Variants in TLN1 observed in about 807,000 individuals in gnomAD.
TLN1 encodes talin 1.
TLN1 carries 56 observed loss-of-function variants against 292.3 expected under a neutral mutation model. The observed-to-expected ratio is 0.19, with a 90% confidence interval of 0.15 to 0.24. The LOEUF (loss-of-function observed/expected upper bound fraction) is 0.24. TLN1 is among the 10% of genes least tolerant of loss of function. The pLI is 1.00. For synonymous variants in TLN1, 1,119 were observed against 1,253.7 expected, an observed-to-expected ratio of 0.89 and a Z score of 2.27; for missense variants, 2,433 against 3,248.2, an observed-to-expected ratio of 0.75 and a Z score of 6.10.
rs1186241709 is a variant in TLN1, at chr9:35,711,095, G to C, written c.4020-13C>G. ...GTCAGTTACTGCCCTGGGAGTGACA[G>C]AAAGTTGAGTGAAAAGGTGAATAGG... On this transcript the variant is annotated splice_polypyrimidine_tract_variant and intron_variant, in intron 30 of 56. Coordinates refer to ENST00000314888, the MANE Select transcript of TLN1 (RefSeq NM_006289.4). The C allele has an allele frequency of 1.2e-6, 2 of 1,614,054 alleles. No individual in the cohort carries two copies. Among genetic ancestry groups the C allele is most frequent in the East Asian group, 2.2e-5 (1 of 44,880 alleles).
At position 35,732,098 on chromosome 9, in the gene TLN1, C is replaced by CGCCCGCCG. The variant is rs1335185548; in HGVS notation, c.-65_-58dup. On this transcript the variant is annotated 5_prime_UTR_variant, in exon 1 of 57. Coordinates refer to ENST00000314888, the MANE Select transcript of TLN1 (RefSeq NM_006289.4). The surrounding 1 kb of genome is among the most constrained non-coding windows in gnomAD (Gnocchi z 5.1). ...ACCTGCGCTGCCTGGCTCTGCGCCC[C>CGCCCGCCG]GCCCGCCGGCCCGCCGCCCCGCCGC... 5 of 153,702 alleles carry CGCCCGCCG rather than the reference C, an allele frequency of 3.3e-5. No homozygotes were observed. The highest frequency in any genetic ancestry group is 3.9e-4 in the East Asian group (2 of 5,178). The allele number at this position is 153,702 out of a possible 1,614,324, so 9.5% of individuals were successfully genotyped here. A position where few individuals can be genotyped will look rare whatever the true frequency, so the allele number is the denominator to read the frequency against.
chr9:35,712,400 C>T (rs1825689156), intron 27 of TLN1, among the ~76,000 whole-genome samples: 1 of 152,178 alleles, frequency 6.6e-6, no homozygotes, highest in African/African-American at 2.4e-5. Flanking sequence ...AATCCCAGCA[C>T]TATGGGAGGC....
In TLN1 at chr9:35,711,632, A is replaced by C; in HGVS notation, c.3842T>G (p.Phe1281Cys). Residue 1281 changes from phenylalanine to cysteine, a missense_variant, in exon 29 of 57, where the codon TTC (phenylalanine) becomes TGC (cysteine). Transcript: ENST00000314888. ...TGCCATCTCCACACCAGCTTCCAGG[A>C]AGGTGCTGAAGTCCTGTCCAAATCG... Reference protein sequence around the residue: ...SGRFGQDFSTFLEAGVEMAGQ... With the variant: ...SGRFGQDFSTCLEAGVEMAGQ... The C allele has an allele frequency of 6.2e-7, 1 of 1,614,020 alleles. No individual in the cohort carries two copies.
intron 3 of TLN1, 63 bp from the exon 4 acceptor site, chr9:35,725,022 C>T (rs978251767): frequency 9.9e-6 from 16 of 1,609,432 alleles, no homozygotes; most frequent in Non-Finnish European, 1.3e-5. Flanking sequence ...TTCCTCTTTA[C>T]ACAGCCCGAG....
At chr9:35,727,765 TC>T (rs1490926830) in intron 1 of TLN1, among the ~76,000 whole-genome samples, 1 of 151,876 alleles carries the variant, frequency 6.6e-6, no homozygotes, top group Non-Finnish European at 1.5e-5. Flanking sequence ...ACTGCATGTC[TC>T]CCCCCATTTC....
chr9:35,727,942 T>C (rs1826006371), intron 1 of TLN1, among the ~76,000 whole-genome samples: 1 of 152,156 alleles, frequency 6.6e-6, no homozygotes, highest in Non-Finnish European at 1.5e-5. Context: ...CAGTGAATTG[T>C]GGGTGGTGGT....
rs574533430 is a variant in TLN1, at chr9:35,708,797, A to G, written c.4327-313T>C. 3.9e-5 allele frequency among the ~76,000 whole-genome samples: 6 copies of G among 152,382 alleles called. No homozygotes were observed. In the South Asian group the frequency reaches 1.0e-3, roughly 26 times the overall value. On this transcript the variant is annotated intron_variant, in intron 33 of 56. Transcript: ENST00000314888. ...TTTGTGTATGTTGGGTCTTAGAGTG[A>G]AAAGTATGGCTTACTGTAAGTAGCA... is the stretch of plus-strand genomic sequence containing the variant.
In TLN1 at chr9:35,720,368, T is replaced by C. The variant is rs1465612177; in HGVS notation, c.1283+65A>G. 1.9e-6 allele frequency: 3 copies of C among 1,584,870 alleles called. No individual in the cohort carries two copies. The East Asian group carries it at 6.7e-5, about 36-fold the overall frequency. On this transcript the variant is annotated intron_variant, in intron 12 of 56. Coordinates refer to ENST00000314888, the MANE Select transcript of TLN1 (RefSeq NM_006289.4). ...CTAAGGACTCCCCACCTCCCAAGAG[T>C]CCTTAGAGTCAGGCCTTGCCTTCTC... is the stretch of plus-strand genomic sequence containing the variant.
intron 20 of TLN1, among the ~76,000 whole-genome samples, chr9:35,715,927 C>T (rs372842392): frequency 1.4e-3 from 207 of 152,180 alleles, no homozygotes; most frequent in African/African-American, 4.9e-3. Flanking sequence ...GGGGAGGATA[C>T]TGAATGTTCC....
At position 35,724,060 on chromosome 9, in the gene TLN1, T is replaced by C; in HGVS notation, c.674A>G (p.Asn225Ser). ...LYVQARDDIL[N>S]GSHPVSFDKA... ...GTCAAAGGAGACAGGGTGGGAGCCA[T>C]TCAGGATGTCATCTCGTGCCTGGAG... Residue 225 changes from asparagine to serine, a missense_variant, in exon 7 of 57, where the codon AAT (asparagine) becomes AGT (serine). Coordinates refer to ENST00000314888, the MANE Select transcript of TLN1 (RefSeq NM_006289.4). The surrounding 1 kb of genome is among the most constrained non-coding windows in gnomAD (Gnocchi z 4.7). The C allele has an allele frequency of 6.2e-7, 1 of 1,613,836 alleles. No individual in the cohort carries two copies.
In TLN1 at chr9:35,703,994, G is replaced by C; in HGVS notation, c.6228C>G (p.Thr2076=). ...ATTAGGGGCATCAGGTCACTACCTGGGTCTCAGGGTCCTCAGCTCCCAGGC... is the reference window on the plus strand; with the variant it reads ...ATTAGGGGCATCAGGTCACTACCTGCGTCTCAGGGTCCTCAGCTCCCAGGC... ...AASLGAEDPE[T]QVVLINAVKD... is the part of the protein sequence containing the mutation. The change falls in exon 46 of 57, where the codon ACC becomes ACG. Residue 2076 remains threonine, a synonymous_variant. Transcript: ENST00000314888. 1 of 1,612,738 alleles carries C rather than the reference G, an allele frequency of 6.2e-7. No homozygotes were observed. Among genetic ancestry groups the C allele is most frequent in the Middle Eastern group, 1.7e-4 (1 of 6,058 alleles).
At chr9:35,708,310 C>A (rs760508384) in intron 34 of TLN1, 31 bp downstream of exon 34, 2 of 1,562,252 alleles carry the variant, frequency 1.3e-6, no homozygotes. Context: ...CTTTCCCAGA[C>A]TCGCCTGTGG....
chr9:35,705,442 T>C (rs1275354188), intron 43 of TLN1, 109 bp downstream of exon 43: 14 of 1,173,050 alleles, frequency 1.2e-5, no homozygotes, highest in Non-Finnish European at 1.6e-5. Flanking sequence ...GCCCTGAGGC[T>C]GTTCCCCTTT....
intron 17 of TLN1, 102 bp downstream of exon 17, chr9:35,718,710 T>G: frequency 1.0e-6 from 1 of 975,484 alleles, no homozygotes; most frequent in Non-Finnish European, 1.6e-6. Context: ...TCAGATTGGT[T>G]TTTAGGGGTC....
chr9:35,713,811 G>T, intron 25 of TLN1, 142 bp downstream of exon 25: 1 of 851,938 alleles, frequency 1.2e-6, no homozygotes. Context: ...AAAAAAGGAA[G>T]GAAGAAGAAA....
rs368519089 is a variant in TLN1, at chr9:35,705,572, C to T, written c.5712G>A (p.Ala1904=). ...TTACCTCTTCATTTTCAGCAGCCAC[C>T]GCTGCAGGCTTGGCCTCCGAGGCCA... ...GRLASEAKPA[A]VAAENEEIGS... Residue 1904 remains alanine (A), a synonymous_variant, in exon 43 of 57, where the codon GCG becomes GCA. Coordinates refer to ENST00000314888, the MANE Select transcript of TLN1 (RefSeq NM_006289.4). 1.8e-5 allele frequency: 29 copies of T among 1,597,588 alleles called. No homozygotes were observed. Among genetic ancestry groups the T allele is most frequent in the Admixed American group, 8.6e-5 (5 of 58,172 alleles).
At position 35,720,926 on chromosome 9, in the gene TLN1, G is replaced by A. The variant is rs762259513; in HGVS notation, c.1105-13C>T. ...AATCTCCAAAATCCTAGGGTGACAA[G>A]TGGGGGACTCAGAGGGAAAGCTCAA... On this transcript the variant is annotated splice_polypyrimidine_tract_variant and intron_variant, in intron 10 of 56. Transcript: ENST00000314888. 2 of 1,598,422 alleles carry A rather than the reference G, an allele frequency of 1.3e-6. No homozygotes were observed. Among genetic ancestry groups the A allele is most frequent in the South Asian group, 2.2e-5 (2 of 90,686 alleles).
At chr9:35,715,214 T>C in intron 20 of TLN1, 27 bp from the exon 21 acceptor site, 1 of 1,604,120 alleles carries the variant, frequency 6.2e-7, no homozygotes, top group African/African-American at 1.3e-5. Context: ...AAGACAGTCA[T>C]CACCCAGCTC....
chr9:35,708,403 C>G lies in TLN1; in HGVS notation c.4408G>C (p.Ala1470Pro). The G allele has an allele frequency of 1.2e-6, 2 of 1,611,382 alleles. No individual in the cohort carries two copies. The highest frequency in any genetic ancestry group is 1.7e-6 in the Non-Finnish European group (2 of 1,178,540). ...GLVEPTQFARANQAIQMACQS... is the reference protein window; with the variant it reads ...GLVEPTQFARPNQAIQMACQS... ...CAGGCCATCTGAATTGCCTGGTTTG[C>G]ACGGGCAAACTGTGTGGGCTCCACT... The change falls in exon 34 of 57, where the codon GCA (alanine) becomes CCA (proline). Residue 1470 changes from alanine (A) to proline (P), a missense_variant. By Grantham distance (27) the Ala-to-Pro change is conservative. Transcript: ENST00000314888.
Sources: allele counts gnomAD v4.1 joint callset (sites outside exome capture counted in the v4.1 genomes callset), GRCh38; gene constraint gnomAD v4.1.1; non-coding constraint Gnocchi (gnomAD v3.1); transcripts MANE v1.5; gene names NCBI Gene and HGNC (gene_info 2026-07-23, HGNC 2026-07-21).